The following VIPR2 variants were observed in gnomAD, a reference collection of about 807,000 sequenced individuals.
The protein encoded by VIPR2 is vasoactive intestinal peptide receptor 2.
Under a neutral mutation model 58.0 loss-of-function variants are expected in VIPR2, and 48 were observed. That is an observed-to-expected ratio of 0.83 (90% confidence interval 0.66 to 1.05). The LOEUF is 1.05. VIPR2 is among the 50% of genes least tolerant of loss of function. The probability of loss-of-function intolerance (pLI) is 0.00; values close to 1 mark genes in which losing one functional copy is unlikely to be tolerated. For synonymous variants in VIPR2, 243 were observed against 235.2 expected (o/e 1.03, Z -0.30); for missense variants, 534 against 558.0 (o/e 0.96, Z 0.43).
At chr7:159,082,313 T>C (rs936819345) in intron 4 of VIPR2, among the ~76,000 whole-genome samples, 12 of 152,132 alleles carry the variant, frequency 7.9e-5, no homozygotes, top group Non-Finnish European at 1.8e-4. Flanking sequence ...ATGTCCTTTG[T>C]AGGGACACGG....
chr7:159,144,287 C>A, intron 1 of VIPR2: 1 of 1,382,452 alleles, frequency 7.2e-7, no homozygotes, highest in Non-Finnish European at 9.4e-7. Context: ...CCCCCCGACA[C>A]TAAAACTAAC....
intron 2 of VIPR2, among the ~76,000 whole-genome samples, chr7:159,125,295 C>A (rs1269013750): frequency 6.6e-6 from 1 of 152,232 alleles, no homozygotes; most frequent in Non-Finnish European, 1.5e-5. Context: ...CCCCTACTTG[C>A]TGACCTTGCA....
chr7:159,061,665 TAAAAAAAAG>T (rs1193757286), intron 4 of VIPR2, among the ~76,000 whole-genome samples: 2 of 151,110 alleles, frequency 1.3e-5, no homozygotes, highest in African/African-American at 4.9e-5. Context: ...AAAAAAAAGT[TAAAAAAAAG>T]AAAAAAAGTG....
Position 159,098,574 on chromosome 7 carries a change from G to A in VIPR2, c.357+5183C>T, listed in dbSNP as rs1350444249. On this transcript the variant is annotated intron_variant, in intron 4 of 12. Coordinates refer to ENST00000262178, the MANE Select transcript of VIPR2 (RefSeq NM_003382.5). This position sits in a 1 kb window ranked among gnomAD's most constrained non-coding sequence, Gnocchi z 5.2. ...GGCCCAGACCATGGCCACGGCTGGT[G>A]CGGCCCCTTGGGCTCCAGGTCCAGA... Among the ~76,000 whole-genome samples, 1 of 152,018 alleles carries A rather than the reference G, an allele frequency of 6.6e-6. No homozygotes were observed. Among genetic ancestry groups the A allele is most frequent in the Admixed American group, 6.5e-5 (1 of 15,272 alleles).
At chr7:159,091,784 G>A (rs901650303) in intron 4 of VIPR2, among the ~76,000 whole-genome samples, 3 of 152,240 alleles carry the variant, frequency 2.0e-5, no homozygotes, top group Non-Finnish European at 4.4e-5. Flanking sequence ...TTCCTAGTCA[G>A]CTGGGCCTGG....
At chr7:159,100,043 C>T (rs1858113042) in intron 4 of VIPR2, among the ~76,000 whole-genome samples, 1 of 152,180 alleles carries the variant, frequency 6.6e-6, no homozygotes, top group African/African-American at 2.4e-5. Flanking sequence ...CTCTCAACTC[C>T]ACTGGATGCC....
At chr7:159,074,443 G>A (rs762126485) in intron 4 of VIPR2, among the ~76,000 whole-genome samples, 1 of 152,186 alleles carries the variant, frequency 6.6e-6, no homozygotes, top group African/African-American at 2.4e-5. Context: ...GTTTGTGAGG[G>A]TGGAGCCCTC....
rs141498017 is a variant in VIPR2, at chr7:159,131,229, A to G, written c.151+11217T>C. Among the ~76,000 whole-genome samples, 14 of 152,336 alleles carry G rather than the reference A, an allele frequency of 9.2e-5. No homozygotes were observed. The East Asian group carries it at 2.7e-3, about 29-fold the overall frequency. ...GCTGATTTCACAAAGTGGATGGTGA[A>G]CAAATGGAAAACCTTATCTCCTGTG... On this transcript the variant is annotated intron_variant, in intron 2 of 12. Transcript: ENST00000262178.
At chr7:159,085,998 G>C (rs1469940158) in intron 4 of VIPR2, among the ~76,000 whole-genome samples, 1 of 152,084 alleles carries the variant, frequency 6.6e-6, no homozygotes, top group African/African-American at 2.4e-5. Context: ...AGTAAACCAG[G>C]GACTTCAGTT....
In VIPR2 at chr7:159,098,961, G is replaced by A. The variant is rs1858039002; in HGVS notation, c.357+4796C>T. Among the ~76,000 whole-genome samples, 1 of 152,182 alleles carries A rather than the reference G, an allele frequency of 6.6e-6. No homozygotes were observed. Among genetic ancestry groups the A allele is most frequent in the South Asian group, 2.1e-4 (1 of 4,830 alleles). ...GCAGCCCTGCGCTCGCCGGTGGGCA[G>A]AGCCGGCCCAGGACCGTGCATGTCC... is the stretch of plus-strand genomic sequence containing the variant. On this transcript the variant is annotated intron_variant, in intron 4 of 12. Transcript: ENST00000262178. The surrounding 1 kb of genome is among the most constrained non-coding windows in gnomAD (Gnocchi z 5.2).
chr7:159,046,301 G>A (rs900055835), intron 5 of VIPR2, among the ~76,000 whole-genome samples: 2 of 152,214 alleles, frequency 1.3e-5, no homozygotes, highest in African/African-American at 4.8e-5. Flanking sequence ...CAGGCAAATG[G>A]TGAAACAGTT....
chr7:159,079,698 A>G (rs1429976895), intron 4 of VIPR2, among the ~76,000 whole-genome samples: 2 of 152,186 alleles, frequency 1.3e-5, no homozygotes, highest in African/African-American at 4.8e-5. Flanking sequence ...TGAAAAGATC[A>G]ACAAAATTGA....
At chr7:159,086,624 T>A (rs1488975539) in intron 4 of VIPR2, among the ~76,000 whole-genome samples, 2 of 152,246 alleles carry the variant, frequency 1.3e-5, no homozygotes, top group African/African-American at 4.8e-5. Flanking sequence ...ATGCTCTTCC[T>A]CTTTACATGG....
intron 7 of VIPR2, 134 bp downstream of exon 7, chr7:159,036,618 A>G (rs1284466394): frequency 5.2e-6 from 6 of 1,158,448 alleles, no homozygotes; most frequent in Admixed American, 2.9e-5. Context: ...GTCATCCTGG[A>G]AGAGCTCTTC....
chr7:159,122,980 C>T (rs1375243522), intron 2 of VIPR2, among the ~76,000 whole-genome samples: 1 of 152,120 alleles, frequency 6.6e-6, no homozygotes, highest in Non-Finnish European at 1.5e-5. Flanking sequence ...CTTTTCTGCT[C>T]CTCTCCCTCC....
intron 4 of VIPR2, among the ~76,000 whole-genome samples, chr7:159,061,850 G>A (rs1179827501): frequency 1.3e-5 from 2 of 152,098 alleles, no homozygotes; most frequent in Admixed American, 1.3e-4. Context: ...AGCTCGGTGC[G>A]CGGCTGTGCG....
At chr7:159,115,133 T>A (rs1796189405) in intron 2 of VIPR2, among the ~76,000 whole-genome samples, 1 of 152,244 alleles carries the variant, frequency 6.6e-6, no homozygotes, top group Non-Finnish European at 1.5e-5. Context: ...GTTTGGTTCC[T>A]CAGTTGCAGC....
At chr7:159,049,526 C>A (rs1484042511) in intron 5 of VIPR2, among the ~76,000 whole-genome samples, 1 of 152,156 alleles carries the variant, frequency 6.6e-6, no homozygotes, top group Non-Finnish European at 1.5e-5. Context: ...ATAGCGAGGG[C>A]AGCCTCACCC....
chr7:159,116,596 TAA>T (rs1272481698), intron 2 of VIPR2, among the ~76,000 whole-genome samples: 1 of 152,194 alleles, frequency 6.6e-6, no homozygotes, highest in East Asian at 1.9e-4. Flanking sequence ...CACTGTAGAC[TAA>T]GTCGTTCAGA....
Sources: gnomAD v4.1 joint callset for allele counts (sites outside exome capture counted in the v4.1 genomes callset) on GRCh38, gnomAD v4.1.1 for gene constraint, Gnocchi (gnomAD v3.1) non-coding constraint, MANE v1.5 for transcripts, NCBI Gene and HGNC (gene_info 2026-07-23, HGNC 2026-07-21) for gene names.